The following CELF4 variants were observed in gnomAD, a reference collection of about 807,000 sequenced individuals.
The protein encoded by CELF4 is CUGBP Elav-like family member 4, also known as CUG-BP- and ETR-3-like factor 4.
Under a neutral mutation model 59.9 loss-of-function variants are expected in CELF4, and 18 were observed. The observed-to-expected ratio is 0.30, with a 90% CI of 0.21 to 0.45. The LOEUF is 0.45. Among genes scored for constraint, CELF4 ranks in the 20% least tolerant of loss-of-function variants. The pLI is 1.00. For synonymous variants in CELF4, 261 were observed against 267.1 expected (o/e 0.98, Z 0.22); for missense variants, 456 against 689.0 (o/e 0.66, Z 3.79).
chr18:37,562,634 C>A (rs1437652843), intron 1 of CELF4, among the ~76,000 whole-genome samples: 1 of 152,182 alleles, frequency 6.6e-6, no homozygotes, highest in Non-Finnish European at 1.5e-5. Flanking sequence ...TGCTTTCTGA[C>A]TTAACAGTAA....
intron 2 of CELF4, among the ~76,000 whole-genome samples, chr18:37,453,603 T>G (rs1178832289): frequency 6.6e-6 from 1 of 152,128 alleles, no homozygotes; most frequent in East Asian, 1.9e-4. Context: ...AGAGGTCATT[T>G]CAGGTGGAGG....
At chr18:37,470,881 T>TGAGAGAGAGA (rs1569569555) in intron 2 of CELF4, among the ~76,000 whole-genome samples, 1 of 80,882 alleles carries the variant, frequency 1.2e-5, no homozygotes, top group African/African-American at 4.4e-5. Context: ...TGTGTGTGTG[T>TGAGAGAGAGA]GTGTGTGACA....
chr18:37,353,400 G>C (rs2098500439), intron 2 of CELF4, among the ~76,000 whole-genome samples: 1 of 151,746 alleles, frequency 6.6e-6, no homozygotes, highest in Admixed American at 6.6e-5. Context: ...GGAAGGGTCT[G>C]AGGTGATGGC....
rs377070420 is a variant in CELF4, at chr18:37,338,987, G to C, written c.370-17106C>G. Among the ~76,000 whole-genome samples, 16 of 152,270 alleles carry C rather than the reference G, an allele frequency of 1.1e-4. No homozygotes were observed. The East Asian group carries it at 1.9e-3, about 18-fold the overall frequency. On this transcript the variant is annotated intron_variant, in intron 2 of 12. Transcript: ENST00000420428. The stretch of plus-strand genomic sequence containing the variant: ...GAGGATGGGCAATGGCCATCGTTTG[G>C]GTCTCTGCATCCATCCTGGTCCCAG...
chr18:37,372,835 GA>G (rs994572174), intron 2 of CELF4, among the ~76,000 whole-genome samples: 61 of 144,376 alleles, frequency 4.2e-4, no homozygotes, highest in South Asian at 1.1e-3. Flanking sequence ...TTATTAACCT[GA>G]AAAAAAAAAA....
At chr18:37,362,964 C>T (rs2098729043) in intron 2 of CELF4, among the ~76,000 whole-genome samples, 1 of 152,208 alleles carries the variant, frequency 6.6e-6, no homozygotes, top group African/African-American at 2.4e-5. Flanking sequence ...AGGACCCTGG[C>T]ACACAGTAGG....
chr18:37,459,237 GCTCCACATCATT>G (rs2154602066), intron 2 of CELF4, among the ~76,000 whole-genome samples: 1 of 152,146 alleles, frequency 6.6e-6, no homozygotes, highest in South Asian at 2.1e-4. Flanking sequence ...CTGAGTTCAT[GCTCCACATCATT>G]CTCTTTGGTC....
At chr18:37,342,368 G>T (rs1049609584) in intron 2 of CELF4, among the ~76,000 whole-genome samples, 5 of 152,120 alleles carry the variant, frequency 3.3e-5, no homozygotes, top group Non-Finnish European at 7.4e-5. Flanking sequence ...AGCAGGTTAG[G>T]CCTGGAGAGT....
chr18:37,324,476 T>C (rs535988260), intron 2 of CELF4, among the ~76,000 whole-genome samples: 1 of 152,126 alleles, frequency 6.6e-6, no homozygotes, highest in African/African-American at 2.4e-5. Flanking sequence ...CAGAAACCAA[T>C]CCTGCCCACA....
chr18:37,407,477 C>G (rs2099397292), intron 2 of CELF4, among the ~76,000 whole-genome samples: 3 of 152,096 alleles, frequency 2.0e-5, no homozygotes, highest in Middle Eastern at 3.4e-3. Flanking sequence ...CACAGTGTAA[C>G]ACAAGAGAAT....
intron 2 of CELF4, among the ~76,000 whole-genome samples, chr18:37,470,007 A>G (rs1222289398): frequency 6.6e-6 from 1 of 152,212 alleles, no homozygotes; most frequent in Non-Finnish European, 1.5e-5. Context: ...CAAGCCCATC[A>G]GGAAAGGCTT....
intron 2 of CELF4, among the ~76,000 whole-genome samples, chr18:37,363,715 G>A (rs2098739092): frequency 6.6e-6 from 1 of 152,240 alleles, no homozygotes; most frequent in South Asian, 2.1e-4. Flanking sequence ...TCATAACTGG[G>A]ATGCAGGCTC....
At chr18:37,441,131 A>T (rs1054881009) in intron 2 of CELF4, among the ~76,000 whole-genome samples, 1 of 152,126 alleles carries the variant, frequency 6.6e-6, no homozygotes, top group Non-Finnish European at 1.5e-5. Context: ...CCACTGAAGG[A>T]AGGCTTGGGA....
intron 3 of CELF4, among the ~76,000 whole-genome samples, chr18:37,277,891 T>C (rs1042025028): frequency 2.0e-5 from 3 of 152,164 alleles, no homozygotes; most frequent in Admixed American, 6.5e-5. Context: ...CTTCCTCACT[T>C]GGACAGAAAA....
intron 2 of CELF4, among the ~76,000 whole-genome samples, chr18:37,432,260 C>T (rs952780475): frequency 1.2e-4 from 18 of 152,238 alleles, no homozygotes; most frequent in Non-Finnish European, 1.3e-4. Context: ...GAGGGCCACC[C>T]GCCAATGTGG....
intron 1 of CELF4, among the ~76,000 whole-genome samples, chr18:37,523,305 T>C (rs141244157): frequency 5.1e-4 from 77 of 152,330 alleles, no homozygotes; most frequent in African/African-American, 1.7e-3. Flanking sequence ...CAGGTCTCTC[T>C]TGGGGCCAGG....
chr18:37,469,425 T>C (rs904071681), intron 2 of CELF4, among the ~76,000 whole-genome samples: 4 of 152,202 alleles, frequency 2.6e-5, no homozygotes, highest in African/African-American at 9.7e-5. Context: ...TGGCTGTTAA[T>C]AAATTCATGC....
intron 2 of CELF4, among the ~76,000 whole-genome samples, chr18:37,350,802 C>T (rs1420527745): frequency 6.6e-6 from 1 of 152,228 alleles, no homozygotes; most frequent in Non-Finnish European, 1.5e-5. Flanking sequence ...CCCCAGGATT[C>T]TGGGATCCCC....
Position 37,363,586 on chromosome 18 carries a change from C to G in CELF4, c.370-41705G>C, listed in dbSNP as rs150831533. Among the ~76,000 whole-genome samples the G allele has an allele frequency of 2.6e-4, 39 of 152,268 alleles. No homozygotes were observed. The East Asian group carries it at 7.2e-3, about 28-fold the overall frequency. On this transcript the variant is annotated intron_variant, in intron 2 of 12. Transcript: ENST00000420428. ...GAAGTAGAACTTGTTGGCTGCCAGC[C>G]ACCTTACTTACAGGAGGATGATAGA...
Sources: gnomAD v4.1 joint callset for allele counts (sites outside exome capture counted in the v4.1 genomes callset) on GRCh38, gnomAD v4.1.1 for gene constraint, MANE v1.5 for transcripts, NCBI Gene and HGNC (gene_info 2026-07-23, HGNC 2026-07-21) for gene names.